Variants in APBB2 observed in about 807,000 individuals in gnomAD.
APBB2 encodes Fe65-like 1.
In APBB2, 38 loss-of-function variants were observed where a neutral mutation model predicts 82.5. The observed-to-expected ratio is 0.46, with a 90% confidence interval of 0.36 to 0.60. The LOEUF (loss-of-function observed/expected upper bound fraction) is 0.60. APBB2 is among the 20% of genes least tolerant of loss of function. The pLI, the probability that APBB2 is intolerant of heterozygous loss-of-function variation, is 0.00. For synonymous variants in APBB2, 341 were observed against 368.2 expected (o/e 0.93, Z 0.85); for missense variants, 772 against 972.3 (o/e 0.79, Z 2.74).
chr4:40,900,862 AT>A (rs1775084587), intron 10 of APBB2, among the ~76,000 whole-genome samples: 1 of 151,844 alleles, frequency 6.6e-6, no homozygotes, highest in African/African-American at 2.4e-5. Context: ...TTCAACAAAT[AT>A]TTATGACACC....
intron 4 of APBB2, among the ~76,000 whole-genome samples, chr4:41,033,660 T>C (rs548092956): frequency 3.0e-4 from 45 of 148,594 alleles, no homozygotes; most frequent in African/African-American, 1.1e-3. Flanking sequence ...ATTGGTACAT[T>C]TTGCCACGTA....
chr4:41,197,313 T>A, intron 1 of APBB2, among the ~76,000 whole-genome samples: 1 of 152,214 alleles, frequency 6.6e-6, no homozygotes, highest in Admixed American at 6.5e-5. Context: ...CCCACAGGAA[T>A]CACTGAACTG....
intron 6 of APBB2, among the ~76,000 whole-genome samples, chr4:40,964,981 G>A (rs999022077): frequency 2.6e-5 from 4 of 152,170 alleles, no homozygotes; most frequent in South Asian, 2.1e-4. Context: ...TTAGCTGGGC[G>A]TGGTGGCACG....
At chr4:40,894,016 C>T (rs1442339582) in intron 10 of APBB2, among the ~76,000 whole-genome samples, 7 of 149,842 alleles carry the variant, frequency 4.7e-5, no homozygotes, top group Non-Finnish European at 7.4e-5. Context: ...GGGCCGGGCG[C>T]GGTGGCTCAT....
chr4:40,981,706 A>T (rs77930133), intron 6 of APBB2, among the ~76,000 whole-genome samples: 1 of 152,146 alleles, frequency 6.6e-6, no homozygotes, highest in African/African-American at 2.4e-5. Flanking sequence ...ACTCACTCCA[A>T]TTGGAGCCCC....
chr4:41,102,147 G>A (rs1745694700), intron 2 of APBB2, among the ~76,000 whole-genome samples: 2 of 152,038 alleles, frequency 1.3e-5, no homozygotes, highest in East Asian at 3.9e-4. Flanking sequence ...TCTACTAGAC[G>A]TAATTCTAAG....
At position 40,934,699 on chromosome 4, in the gene APBB2, C is replaced by A; in HGVS notation, c.1108G>T (p.Asp370Tyr). 1 of 1,611,420 alleles carries A rather than the reference C, an allele frequency of 6.2e-7. No homozygotes were observed. Among genetic ancestry groups the A allele is most frequent in the South Asian group, 1.1e-5 (1 of 90,966 alleles). ...GGKINSDIWK[D>Y]LHAATVNPDP... ...GGGTTAACAGTGGCTGCATGCAAAT[C>A]CTAGAGGAAAATAGAACCTTGTTAA... The change falls in exon 9 of 18, where the codon GAT becomes TAT. Residue 370 changes from aspartate to tyrosine, a missense_variant and splice_region_variant. By Grantham distance (160) the Asp-to-Tyr change is radical (BLOSUM62 -3). Transcript: ENST00000508593.
At chr4:40,850,894 G>A (rs1009665896) in intron 12 of APBB2, among the ~76,000 whole-genome samples, 1 of 152,050 alleles carries the variant, frequency 6.6e-6, no homozygotes, top group Non-Finnish European at 1.5e-5. Context: ...GCAGTGAGCC[G>A]TGATCACACC....
chr4:41,196,153 C>T, intron 1 of APBB2, among the ~76,000 whole-genome samples: 4 of 142,864 alleles, frequency 2.8e-5, no homozygotes, highest in Admixed American at 6.9e-5. Context: ...AGCAAGACTC[C>T]GTCTCAAAAA....
intron 12 of APBB2, among the ~76,000 whole-genome samples, chr4:40,852,077 G>C (rs907902410): frequency 2.6e-5 from 4 of 151,898 alleles, no homozygotes; most frequent in Non-Finnish European, 5.9e-5. Context: ...TGTAATTACG[G>C]GGCCGGGCGC....
chr4:40,871,653 A>G (rs1359023757), intron 12 of APBB2, among the ~76,000 whole-genome samples: 2 of 152,238 alleles, frequency 1.3e-5, no homozygotes, highest in Non-Finnish European at 2.9e-5. Context: ...CATCTGTAAA[A>G]GGGACATAAT....
chr4:41,163,555 C>T (rs980568719), intron 1 of APBB2, among the ~76,000 whole-genome samples: 2 of 152,120 alleles, frequency 1.3e-5, no homozygotes, highest in Non-Finnish European at 2.9e-5. Context: ...AAAATTATCC[C>T]TATAGTTCCT....
intron 6 of APBB2, among the ~76,000 whole-genome samples, chr4:40,972,350 C>T (rs1266471966): frequency 2.0e-5 from 3 of 151,830 alleles, no homozygotes; most frequent in Non-Finnish European, 4.4e-5. Flanking sequence ...ATGGCATGAA[C>T]CCGGGAGGCA....
At chr4:40,965,128 A>T (rs10011366) in intron 6 of APBB2, among the ~76,000 whole-genome samples, 35,873 of 144,516 alleles carry the variant, frequency 0.25, 4,886 homozygotes, top group East Asian at 0.59. Flanking sequence ...TCAAAAAATT[A>T]AAAAAAAAAA....
At chr4:40,923,271 C>T (rs146130755) in intron 10 of APBB2, among the ~76,000 whole-genome samples, 1 of 152,368 alleles carries the variant, frequency 6.6e-6, no homozygotes, top group African/African-American at 2.4e-5. Flanking sequence ...CACGGTCGTG[C>T]CCAGCCTCTC....
chr4:40,961,512 G>C (rs1388456830), intron 6 of APBB2, among the ~76,000 whole-genome samples: 1 of 90,548 alleles, frequency 1.1e-5, no homozygotes, highest in Non-Finnish European at 2.1e-5. Context: ...GGGGAGGGGG[G>C]AGGGATAGCA....
rs1229229028 is a variant in APBB2 at position 40,849,725 on chromosome 4, C to T, written c.1530-19148G>A. Among the ~76,000 whole-genome samples the T allele has an allele frequency of 1.6e-3, 192 of 123,234 alleles. 1 individual carries two copies. The highest frequency in any genetic ancestry group is 5.5e-3 in the African/African-American group (179 of 32,688). The allele number at this position is 123,234 out of a possible 152,430, so 80.8% of individuals were successfully genotyped here. On this transcript the variant is annotated intron_variant, in intron 12 of 17. Transcript: ENST00000508593. ...GTACTCTTCCTGTTTACTAAAGTTA[C>T]TTTTTTTTTTTTTTTTTTTTGAGAC...
rs139468386 is a variant in APBB2, at chr4:40,825,364, CTTTT to C, written c.1816+519_1816+522del. 1.4e-3 allele frequency among the ~76,000 whole-genome samples: 217 copies of C among 152,324 alleles called. 2 individuals carry two copies. Among genetic ancestry groups the C allele is most frequent in the African/African-American group, 4.5e-3 (186 of 41,568 alleles). On this transcript the variant is annotated intron_variant, in intron 15 of 17. Transcript: ENST00000508593. ...ATGTAGCTTGCGATTTCTCCACAGCCTTTTTTAGCCCTGGTGAAGGCTTCATCTC... is the reference window on the plus strand; with the variant it reads ...ATGTAGCTTGCGATTTCTCCACAGCCTTAGCCCTGGTGAAGGCTTCATCTC...
chr4:40,849,725 CT>C (rs758207803), intron 12 of APBB2, among the ~76,000 whole-genome samples: 2,684 of 123,198 alleles, frequency 0.022, 24 homozygotes, highest in Admixed American at 0.083. Flanking sequence ...ACTAAAGTTA[CT>C]TTTTTTTTTT....
Sources: allele counts gnomAD v4.1 joint callset (sites outside exome capture counted in the v4.1 genomes callset), GRCh38; gene constraint gnomAD v4.1.1; transcripts MANE v1.5; gene names NCBI Gene and HGNC (gene_info 2026-07-23, HGNC 2026-07-21).